The following STON2 variants were observed in gnomAD, a reference collection of about 807,000 sequenced individuals.
STON2 encodes the protein stonin-2.
Under a neutral mutation model 65.7 loss-of-function variants are expected in STON2, and 29 were observed. That is an observed-to-expected ratio of 0.44 (90% CI 0.33 to 0.60). STON2 has a LOEUF of 0.60. Ranked by LOEUF, STON2 falls within the 20% of genes least tolerant of loss-of-function variation. The pLI is 0.03. For synonymous variants in STON2, 404 were observed against 414.2 expected (o/e 0.98, Z 0.30); for missense variants, 1,054 against 1,118.1 (o/e 0.94, Z 0.82).
At position 81,270,696 on chromosome 14, in the gene STON2, T is replaced by C; in HGVS notation, c.2758A>G (p.Asn920Asp). 1 of 1,614,174 alleles carries C rather than the reference T, an allele frequency of 6.2e-7. No individual in the cohort carries two copies. The highest frequency in any genetic ancestry group is 8.5e-7 in the Non-Finnish European group (1 of 1,180,032). ...EDKTDVRKWV[N>D]YSAHYSYQVE... ...TGGTAGCTGTAGTGTGCAGAATAATTGACCCACTTCCTGACGTCAGTCTTG... is the reference window on the plus strand; with the variant it reads ...TGGTAGCTGTAGTGTGCAGAATAATCGACCCACTTCCTGACGTCAGTCTTG... The change falls in exon 7 of 8, where the codon AAT becomes GAT. Residue 920 changes from asparagine (N) to aspartate (D), a missense_variant. By Grantham distance (23) the Asn-to-Asp change is conservative. Transcript: ENST00000614646.
chr14:81,371,286 T>A, intron 3 of STON2, 101 bp from the exon 4 acceptor site: 2 of 1,106,150 alleles, frequency 1.8e-6, no homozygotes, highest in African/African-American at 3.1e-5. Flanking sequence ...TCATATGAAA[T>A]CTCAACAGTC....
At chr14:81,303,574 A>G (rs1169047863) in intron 5 of STON2, among the ~76,000 whole-genome samples, 1 of 152,168 alleles carries the variant, frequency 6.6e-6, no homozygotes, top group Non-Finnish European at 1.5e-5. Context: ...CAACAAAGCA[A>G]TGAACCCCAG....
chr14:81,417,184 A>G (rs1901478617), intron 2 of STON2, among the ~76,000 whole-genome samples: 1 of 152,108 alleles, frequency 6.6e-6, no homozygotes, highest in Admixed American at 6.6e-5. Flanking sequence ...CTCCCACAGC[A>G]CTGTGTTGCA....
intron 2 of STON2, among the ~76,000 whole-genome samples, chr14:81,418,671 C>A (rs1308575203): frequency 2.6e-5 from 4 of 152,200 alleles, no homozygotes; most frequent in Admixed American, 1.3e-4. Flanking sequence ...AGGTAAGGGG[C>A]AAGAGGCTAG....
chr14:81,273,468 T>G (rs1333662016), intron 6 of STON2, among the ~76,000 whole-genome samples: 1 of 152,224 alleles, frequency 6.6e-6, no homozygotes, highest in Non-Finnish European at 1.5e-5. Context: ...AAGCCACTTA[T>G]GCAGGACAGA....
At chr14:81,304,683 G>A (rs553249059) in intron 5 of STON2, among the ~76,000 whole-genome samples, 4 of 152,186 alleles carry the variant, frequency 2.6e-5, no homozygotes, top group Non-Finnish European at 4.4e-5. Flanking sequence ...AGCCAAGATC[G>A]CGCCACTGCA....
At chr14:81,288,354 T>C (rs564859615) in intron 5 of STON2, among the ~76,000 whole-genome samples, 83 of 152,322 alleles carry the variant, frequency 5.4e-4, no homozygotes, top group African/African-American at 1.9e-3. Flanking sequence ...TATATCATCA[T>C]AGACTGTAGT....
chr14:81,267,746 C>CT lies in STON2; in HGVS notation c.*667dup. 2.0e-6 allele frequency: 2 copies of CT among 985,356 alleles called. No individual in the cohort carries two copies. The highest frequency in any genetic ancestry group is 3.5e-5 in the African/African-American group (2 of 57,308). The allele number at this position is 985,356 out of a possible 1,614,324, so 61.0% of individuals were successfully genotyped here. A position where few individuals can be genotyped will look rare whatever the true frequency, so the allele number is the denominator to read the frequency against. On this transcript the variant is annotated 3_prime_UTR_variant, in exon 8 of 8. Transcript: ENST00000614646. ...AAAATTAAAAAGTCTCCTATTGTGCCTTTTTCCATTGTCTATTGTGACTCA... is the reference window on the plus strand; with the variant it reads ...AAAATTAAAAAGTCTCCTATTGTGCCTTTTTTCCATTGTCTATTGTGACTCA...
chr14:81,265,879 C>T lies in STON2; in HGVS notation c.*2535G>A. 1 of 985,274 alleles carries T rather than the reference C, an allele frequency of 1.0e-6. No individual in the cohort carries two copies. Among genetic ancestry groups the T allele is most frequent in the African/African-American group, 1.7e-5 (1 of 57,330 alleles). The allele number at this position is 985,274 out of a possible 1,614,324, so 61.0% of individuals were successfully genotyped here. A position where few individuals can be genotyped will look rare whatever the true frequency, so the allele number is the denominator to read the frequency against. The stretch of plus-strand genomic sequence containing the variant: ...CTAGCAGATGAGGCAGAGATCTTGA[C>T]AGAGTGCTAAGCGTGAGTGACTAAG... On this transcript the variant is annotated 3_prime_UTR_variant, in exon 8 of 8. Coordinates refer to ENST00000614646, the MANE Select transcript of STON2 (RefSeq NM_001394390.1).
chr14:81,397,054 G>A (rs34332913), intron 2 of STON2, among the ~76,000 whole-genome samples: 4,106 of 152,158 alleles, frequency 0.027, 199 homozygotes, highest in African/African-American at 0.093. Flanking sequence ...GCGAAACTCC[G>A]TCTCAAAACA....
intron 5 of STON2, among the ~76,000 whole-genome samples, chr14:81,302,505 T>A (rs1322406004): frequency 2.0e-5 from 3 of 152,262 alleles, no homozygotes; most frequent in African/African-American, 7.2e-5. Context: ...TTTGCAAGGC[T>A]GACTGGTTCT....
intron 2 of STON2, among the ~76,000 whole-genome samples, chr14:81,407,358 T>A (rs1374741733): frequency 1.3e-5 from 2 of 152,132 alleles, no homozygotes; most frequent in Non-Finnish European, 2.9e-5. Flanking sequence ...AAAAGGAAGG[T>A]TTCACTCAGC....
At chr14:81,432,840 C>T (rs1050679272) in intron 1 of STON2, among the ~76,000 whole-genome samples, 1 of 152,258 alleles carries the variant, frequency 6.6e-6, no homozygotes, top group Non-Finnish European at 1.5e-5. Context: ...AAAACTTCTG[C>T]ATGGAGAATG....
intron 4 of STON2, among the ~76,000 whole-genome samples, chr14:81,333,793 G>C (rs1458498047): frequency 6.6e-6 from 1 of 151,898 alleles, no homozygotes. Context: ...TTCTAGTTTT[G>C]AACAGCTATA....
At chr14:81,319,070 A>G (rs1896730271) in intron 5 of STON2, among the ~76,000 whole-genome samples, 6 of 152,132 alleles carry the variant, frequency 3.9e-5, no homozygotes, top group Admixed American at 3.9e-4. Context: ...AGGATGAGAG[A>G]CATGGTATAA....
intron 6 of STON2, among the ~76,000 whole-genome samples, chr14:81,275,908 A>G (rs1027827743): frequency 2.3e-4 from 35 of 152,222 alleles, no homozygotes; most frequent in African/African-American, 8.2e-4. Context: ...AGAATCTAAG[A>G]AAGGATAGCC....
chr14:81,366,034 AAATGTTGT>A (rs2140352594), intron 4 of STON2, among the ~76,000 whole-genome samples: 1 of 152,266 alleles, frequency 6.6e-6, no homozygotes, highest in East Asian at 1.9e-4. Context: ...GAGAGGAGTG[AAATGTTGT>A]TTGGGATTTT....
rs146691726 is a variant in STON2, at chr14:81,281,116, C to T, written c.743-2377G>A. Among the ~76,000 whole-genome samples the T allele has an allele frequency of 3.2e-3, 479 of 151,780 alleles. 2 individuals carry two copies. The highest frequency in any genetic ancestry group is 0.011 in the African/African-American group (454 of 41,364). On this transcript the variant is annotated intron_variant, in intron 5 of 7. Transcript: ENST00000614646. ...ATACCCACCCCAGAAACAAAATGAG[C>T]GAAAAGCATTTTCTATATCTACAGT... is the stretch of plus-strand genomic sequence containing the variant.
At chr14:81,285,647 T>A (rs1895304096) in intron 5 of STON2, among the ~76,000 whole-genome samples, 1 of 152,156 alleles carries the variant, frequency 6.6e-6, no homozygotes, top group South Asian at 2.1e-4. Context: ...AGTATTTTCT[T>A]GAGATAGAAT....
Sources: gnomAD v4.1 joint callset for allele counts (sites outside exome capture counted in the v4.1 genomes callset) on GRCh38, gnomAD v4.1.1 for gene constraint, MANE v1.5 for transcripts, NCBI Gene and HGNC (gene_info 2026-07-23, HGNC 2026-07-21) for gene names.